Variants in PFKP observed in about 807,000 individuals in gnomAD.
PFKP encodes ATP-dependent 6-phosphofructokinase, platelet type.
PFKP carries 101 observed loss-of-function variants against 94.3 expected under a neutral mutation model. That is an observed-to-expected ratio of 1.07 (90% CI 0.91 to 1.26). The LOEUF is 1.26. Ranked by LOEUF, PFKP falls within the 50% of genes most tolerant of loss-of-function variation. PFKP has a pLI of 0.00. For missense variants in PFKP, 1,145 were observed against 1,103.3 expected (o/e 1.04, Z -0.53); for synonymous variants, 573 against 432.6 (o/e 1.32, Z -4.03).
At chr10:3,112,082 C>T (rs1836290024) in intron 10 of PFKP, 140 bp from the exon 11 acceptor site, 3 of 709,576 alleles carry the variant, frequency 4.2e-6, no homozygotes, top group Non-Finnish European at 7.7e-6. Flanking sequence ...GTCGTCTAGA[C>T]CATTAACCCT....
At position 3,102,467 on chromosome 10, in the gene PFKP, G is replaced by A. The variant is rs1473929892; in HGVS notation, c.454+913G>A. On this transcript the variant is annotated intron_variant, in intron 4 of 21. Transcript: ENST00000381125. ...CTTTCTCCATTGCCCAGGCTGGAGTGCAGTGGCACGATCTCGGCTCACTGC... is the reference window on the plus strand; with the variant it reads ...CTTTCTCCATTGCCCAGGCTGGAGTACAGTGGCACGATCTCGGCTCACTGC... Among the ~76,000 whole-genome samples, 4 of 151,986 alleles carry A rather than the reference G, an allele frequency of 2.6e-5. No homozygotes were observed. In the East Asian group the frequency reaches 7.9e-4, roughly 30 times the overall value.
At chr10:3,099,695 C>T (rs551194303) in intron 3 of PFKP, among the ~76,000 whole-genome samples, 2 of 152,292 alleles carry the variant, frequency 1.3e-5, no homozygotes, top group South Asian at 2.1e-4. Flanking sequence ...TTGACAACCA[C>T]GGAAGTTAGG....
intron 1 of PFKP, among the ~76,000 whole-genome samples, chr10:3,079,312 G>T (rs1252315174): frequency 6.6e-6 from 1 of 151,692 alleles, no homozygotes; most frequent in East Asian, 1.9e-4. Context: ...TCAGCTCACT[G>T]CAAGCTCCAC....
chr10:3,084,697 C>CCTCCAGCCCCTCCCCAGGAGAGTA (rs1454551739), intron 2 of PFKP, among the ~76,000 whole-genome samples: 1 of 66,080 alleles, frequency 1.5e-5, no homozygotes, highest in East Asian at 2.9e-4. Context: ...CCAGCACAGT[C>CCTCCAGCCCCTCCCCAGGAGAGTA]CTCCAGCCCC....
intron 20 of PFKP, among the ~76,000 whole-genome samples, chr10:3,135,045 AGTTCT>A (rs1003610180): frequency 3.3e-5 from 5 of 152,078 alleles, no homozygotes; most frequent in Admixed American, 2.0e-4. Flanking sequence ...TCCTTAAATC[AGTTCT>A]GTAAGTTACA....
chr10:3,104,856 G>T, intron 5 of PFKP: 1 of 556,518 alleles, frequency 1.8e-6, no homozygotes, highest in Non-Finnish European at 3.2e-6. Context: ...CAGGCAGAAG[G>T]TGTCCAACGT....
At chr10:3,069,158 A>C in intron 1 of PFKP, 1 of 994,218 alleles carries the variant, frequency 1.0e-6, no homozygotes, top group Non-Finnish European at 1.3e-6. Flanking sequence ...CCCCCGCGGG[A>C]GACCCGGGTG....
chr10:3,113,219 C>T (rs775313515), intron 12 of PFKP, 31 bp downstream of exon 12: 3 of 1,601,418 alleles, frequency 1.9e-6, no homozygotes, highest in African/African-American at 1.3e-5. Context: ...GATGCCCCGA[C>T]CTCTCCTGCG....
At chr10:3,070,003 G>A (rs1338139112) in intron 1 of PFKP, among the ~76,000 whole-genome samples, 3 of 152,260 alleles carry the variant, frequency 2.0e-5, no homozygotes, top group Non-Finnish European at 4.4e-5. Flanking sequence ...CGGCTTGGTT[G>A]CTGCAACCTC....
At chr10:3,109,524 G>T (rs1248953729) in intron 10 of PFKP, 44 bp downstream of exon 10, 1 of 1,588,514 alleles carries the variant, frequency 6.3e-7, no homozygotes, top group African/African-American at 1.3e-5. Flanking sequence ...GAGACGGCTG[G>T]GACAGAAGCT....
chr10:3,130,068 G>A (rs938273987), intron 17 of PFKP, 85 bp downstream of exon 17: 1 of 1,268,520 alleles, frequency 7.9e-7, no homozygotes, highest in Non-Finnish European at 1.1e-6. Context: ...AGGGTGGTTT[G>A]CTTTCCAAGG....
At chr10:3,099,870 G>C (rs972017535) in intron 3 of PFKP, among the ~76,000 whole-genome samples, 2 of 152,098 alleles carry the variant, frequency 1.3e-5, no homozygotes, top group South Asian at 4.2e-4. Context: ...TGTATGTGGT[G>C]TGTGAATCTC....
intron 2 of PFKP, among the ~76,000 whole-genome samples, chr10:3,095,630 A>G (rs1834420579): frequency 6.6e-6 from 1 of 152,250 alleles, no homozygotes; most frequent in Admixed American, 6.5e-5. Context: ...TTGGAAGGCA[A>G]ATTCCAAAAG....
chr10:3,105,352 G>A, intron 6 of PFKP, 41 bp from the exon 7 acceptor site: 1 of 1,536,282 alleles, frequency 6.5e-7, no homozygotes, highest in South Asian at 1.1e-5. Context: ...TCGTGGGAAG[G>A]ATCCTTCTGG....
chr10:3,118,450 A>C (rs1203302638), intron 14 of PFKP, among the ~76,000 whole-genome samples: 3 of 150,898 alleles, frequency 2.0e-5, no homozygotes, highest in Non-Finnish European at 4.4e-5. Flanking sequence ...CCTGGTAACA[A>C]AGTGAGACTC....
Position 3,101,543 on chromosome 10 carries a change from T to TAC in PFKP, c.443_444insAC (p.Ala149ArgfsTer36). The stretch of plus-strand genomic sequence containing the variant: ...GAGTGGAGTGGGCTGCTGGAGGAGC[T>TAC]GGCCAGGAACGGTGAGTGGACACCT... On this transcript the variant is annotated frameshift_variant, in exon 4 of 22. Coordinates refer to ENST00000381125, the MANE Select transcript of PFKP (RefSeq NM_002627.5). LOFTEE classifies it high-confidence loss of function. 1.9e-6 allele frequency: 3 copies of TAC among 1,550,304 alleles called. No individual in the cohort carries two copies. The highest frequency in any genetic ancestry group is 1.2e-5 in the South Asian group (1 of 80,628).
rs143498036 is a variant in PFKP, at chr10:3,072,849, A to G, written c.112+5142A>G. On this transcript the variant is annotated intron_variant, in intron 1 of 21. Coordinates refer to ENST00000381125, the MANE Select transcript of PFKP (RefSeq NM_002627.5). ...TAACGTAGTCAGGACAAACATCAGG[A>G]TACCAGATTGCACGTTCACAATGGC... Among the ~76,000 whole-genome samples, 58 of 152,128 alleles carry G rather than the reference A, an allele frequency of 3.8e-4. 2 individuals carry two copies. The highest frequency in any genetic ancestry group is 3.4e-3 in the Middle Eastern group (1 of 294).
At chr10:3,077,725 G>A (rs1044088988) in intron 1 of PFKP, among the ~76,000 whole-genome samples, 7 of 152,184 alleles carry the variant, frequency 4.6e-5, no homozygotes, top group South Asian at 2.1e-4. Context: ...GGCCAAGGAT[G>A]ACTCTGACTC....
At chr10:3,099,210 T>A in intron 2 of PFKP, 65 bp from the exon 3 acceptor site, 3 of 1,261,686 alleles carry the variant, frequency 2.4e-6, no homozygotes, top group Non-Finnish European at 2.3e-6. Context: ...TTATATAATT[T>A]AAGGATCACT....
Sources: allele counts gnomAD v4.1 joint callset (sites outside exome capture counted in the v4.1 genomes callset), GRCh38; gene constraint gnomAD v4.1.1; transcripts MANE v1.5; gene names NCBI Gene and HGNC (gene_info 2026-07-23, HGNC 2026-07-21).